Variants in SPATA16 observed in about 807,000 individuals in gnomAD.
SPATA16 encodes the protein spermatogenesis-associated protein 16.
In SPATA16, 36 loss-of-function variants were observed where a neutral mutation model predicts 63.3. That is an observed-to-expected ratio of 0.57 (90% confidence interval 0.44 to 0.75). The LOEUF (loss-of-function observed/expected upper bound fraction) is 0.75. Ranked by LOEUF, SPATA16 falls within the 30% of genes least tolerant of loss-of-function variation. SPATA16 has a pLI of 0.00. For synonymous variants in SPATA16, 203 were observed against 216.7 expected, an observed-to-expected ratio of 0.94 and a Z score of 0.56; for missense variants, 646 against 679.3, an observed-to-expected ratio of 0.95 and a Z score of 0.54.
intron 3 of SPATA16, among the ~76,000 whole-genome samples, chr3:173,041,890 G>T (rs998248174): frequency 1.3e-5 from 2 of 151,774 alleles, no homozygotes; most frequent in African/African-American, 4.8e-5. Flanking sequence ...CCAACATGGC[G>T]CATGTATACA....
chr3:172,895,670 A>C (rs1183533849), intron 10 of SPATA16, among the ~76,000 whole-genome samples: 1 of 152,092 alleles, frequency 6.6e-6, no homozygotes, highest in Non-Finnish European at 1.5e-5. Flanking sequence ...TTATTGCAAG[A>C]AGTTTATCTA....
intron 10 of SPATA16, among the ~76,000 whole-genome samples, chr3:172,906,080 T>C (rs1732228509): frequency 6.6e-6 from 1 of 152,102 alleles, no homozygotes; most frequent in African/African-American, 2.4e-5. Context: ...GCAGACAGAG[T>C]GTTGCTTAGC....
chr3:173,062,764 C>T (rs7620311), intron 2 of SPATA16, among the ~76,000 whole-genome samples: 27,602 of 152,110 alleles, frequency 0.18, 2,586 homozygotes, highest in South Asian at 0.23. Context: ...TCCTGGAAGA[C>T]ATTTTTTCCA....
intron 10 of SPATA16, among the ~76,000 whole-genome samples, chr3:172,912,555 A>C (rs1370796730): frequency 1.3e-5 from 2 of 152,134 alleles, no homozygotes; most frequent in Non-Finnish European, 2.9e-5. Context: ...TGAGACAGCA[A>C]GACCAATCAC....
At chr3:173,090,886 T>C (rs1737204825) in intron 2 of SPATA16, among the ~76,000 whole-genome samples, 1 of 152,196 alleles carries the variant, frequency 6.6e-6, no homozygotes, top group Admixed American at 6.5e-5. Context: ...ATGTAATCAC[T>C]ACACATGTAG....
intron 2 of SPATA16, among the ~76,000 whole-genome samples, chr3:173,081,375 T>C (rs1736918636): frequency 6.6e-6 from 1 of 152,208 alleles, no homozygotes; most frequent in Non-Finnish European, 1.5e-5. Context: ...GAATGCTACT[T>C]GCCTCCAGCT....
chr3:172,890,748 GTT>G (rs566747383), intron 10 of SPATA16, among the ~76,000 whole-genome samples: 7,810 of 140,488 alleles, frequency 0.056, 376 homozygotes, highest in African/African-American at 0.13. Flanking sequence ...ATGGTCCACT[GTT>G]TTTTTTTTTT....
intron 4 of SPATA16, among the ~76,000 whole-genome samples, chr3:173,009,201 G>A (rs901944595): frequency 6.6e-6 from 1 of 151,988 alleles, no homozygotes; most frequent in African/African-American, 2.4e-5. Context: ...GAAAACAGTG[G>A]AGAGAAAACA....
chr3:172,909,647 T>G (rs1054495330), intron 10 of SPATA16, among the ~76,000 whole-genome samples: 15 of 152,198 alleles, frequency 9.9e-5, no homozygotes, highest in Non-Finnish European at 2.2e-4. Flanking sequence ...TTCAGATGAC[T>G]CCAGCCCCAT....
intron 3 of SPATA16, among the ~76,000 whole-genome samples, chr3:173,036,228 T>C (rs1735712644): frequency 6.6e-6 from 1 of 152,060 alleles, no homozygotes; most frequent in South Asian, 2.1e-4. Context: ...TTCTAAAAAA[T>C]GAAATGTGTG....
chr3:172,989,004 A>G (rs1414893122), intron 4 of SPATA16, among the ~76,000 whole-genome samples: 1 of 152,210 alleles, frequency 6.6e-6, no homozygotes, highest in African/African-American at 2.4e-5. Context: ...CAGAGCAGAC[A>G]TTAGGCAGAA....
At chr3:172,984,655 T>C (rs1238341567) in intron 4 of SPATA16, among the ~76,000 whole-genome samples, 1 of 152,186 alleles carries the variant, frequency 6.6e-6, no homozygotes, top group Non-Finnish European at 1.5e-5. Flanking sequence ...AGTTTATAGG[T>C]TCCTGCCTTG....
intron 4 of SPATA16, among the ~76,000 whole-genome samples, chr3:172,986,977 TTATGACCTTAAA>T (rs1734473700): frequency 6.6e-6 from 1 of 152,170 alleles, no homozygotes; most frequent in Non-Finnish European, 1.5e-5. Context: ...GAGAAGACAT[TTATGACCTTAAA>T]TATGGTACAT....
chr3:173,025,638 C>A (rs1735434792), intron 3 of SPATA16, among the ~76,000 whole-genome samples: 3 of 151,922 alleles, frequency 2.0e-5, no homozygotes, highest in Non-Finnish European at 4.4e-5. Flanking sequence ...CAGTTTCTGG[C>A]AACCACTGAT....
Position 172,912,683 on chromosome 3 carries a change from G to C in SPATA16, c.1587+978C>G, listed in dbSNP as rs140806131. On this transcript the variant is annotated intron_variant, in intron 10 of 10. Coordinates refer to ENST00000351008, the MANE Select transcript of SPATA16 (RefSeq NM_031955.6). ...TCTTAATAACATTTTCTTTTTTCTA[G>C]CTTACATTATTGTAAGAATACAGTA... Among the ~76,000 whole-genome samples, 10 of 152,056 alleles carry C rather than the reference G, an allele frequency of 6.6e-5. No individual in the cohort carries two copies. The East Asian group carries it at 1.2e-3, about 18-fold the overall frequency.
intron 2 of SPATA16, among the ~76,000 whole-genome samples, chr3:173,114,697 TG>T (rs1737848480): frequency 6.6e-6 from 1 of 152,220 alleles, no homozygotes; most frequent in African/African-American, 2.4e-5. Context: ...ATCTATCAAG[TG>T]TGATCATTAT....
At chr3:173,075,130 T>G (rs545813388) in intron 2 of SPATA16, among the ~76,000 whole-genome samples, 3 of 150,934 alleles carry the variant, frequency 2.0e-5, no homozygotes, top group African/African-American at 7.3e-5. Flanking sequence ...ATGTACACCC[T>G]GAATCTAAAA....
At chr3:173,103,091 C>A (rs928415860) in intron 2 of SPATA16, among the ~76,000 whole-genome samples, 8 of 152,322 alleles carry the variant, frequency 5.3e-5, no homozygotes, top group African/African-American at 1.9e-4. Context: ...CCATGGCAAT[C>A]CCAATATAAG....
intron 2 of SPATA16, among the ~76,000 whole-genome samples, chr3:173,107,077 T>G (rs1737637443): frequency 6.6e-6 from 1 of 152,174 alleles, no homozygotes; most frequent in Admixed American, 6.5e-5. Context: ...GAACACTTAA[T>G]AGATTTCTAA....
Sources: gnomAD v4.1 joint callset for allele counts (sites outside exome capture counted in the v4.1 genomes callset) on GRCh38, gnomAD v4.1.1 for gene constraint, MANE v1.5 for transcripts, NCBI Gene and HGNC (gene_info 2026-07-23, HGNC 2026-07-21) for gene names.